ANO1: variants seen among roughly 807,000 people sequenced by gnomAD.
ANO1 encodes anoctamin-1.
In ANO1, 59 loss-of-function variants were observed where a neutral mutation model predicts 124.0. The ratio of observed to expected loss-of-function variants is 0.48; its 90% confidence interval spans 0.39 to 0.59. The LOEUF is 0.59. Among genes scored for constraint, ANO1 ranks in the 20% least tolerant of loss-of-function variants. The pLI is 0.00. For missense variants in ANO1, 1,059 were observed against 1,328.0 expected (o/e 0.80, Z 3.15); for synonymous variants, 529 against 532.0 (o/e 0.99, Z 0.08).
At chr11:70,160,167 C>T (rs2047987912) in intron 16 of ANO1, among the ~76,000 whole-genome samples, 1 of 152,134 alleles carries the variant, frequency 6.6e-6, no homozygotes, top group Non-Finnish European at 1.5e-5. Context: ...GCCCTCTGCA[C>T]CCTTGCATGG....
chr11:69,977,031 G>A, the ANO1 span, among the ~76,000 whole-genome samples: 4 of 152,208 alleles, frequency 2.6e-5, no homozygotes, highest in African/African-American at 9.7e-5. Context: ...AGCCCCAGGC[G>A]GTCTGATGCA....
At chr11:70,170,093 G>A (rs2048399216) in intron 21 of ANO1, 1 of 455,324 alleles carries the variant, frequency 2.2e-6, no homozygotes, top group Non-Finnish European at 4.4e-6. Flanking sequence ...ACTGTCCTGG[G>A]CAGTGGGTCC....
chr11:70,007,187 G>A (rs1211770414), intron 1 of ANO1, among the ~76,000 whole-genome samples: 2 of 151,542 alleles, frequency 1.3e-5, no homozygotes, highest in African/African-American at 4.8e-5. Flanking sequence ...AACAGTAACT[G>A]TCTTTCTGTA....
chr11:70,105,668 C>A (rs1007026614), intron 4 of ANO1, 66 bp from the exon 5 acceptor site: 3 of 1,506,664 alleles, frequency 2.0e-6, no homozygotes, highest in African/African-American at 2.7e-5. Context: ...TTCCCAGGGC[C>A]TTGAAACCCA....
chr11:70,179,644 A>G (rs529364955), intron 22 of ANO1, among the ~76,000 whole-genome samples: 4 of 152,352 alleles, frequency 2.6e-5, no homozygotes, highest in African/African-American at 7.2e-5. Flanking sequence ...CCAGAGCTTT[A>G]GGAGCTGCAC....
At chr11:70,172,930 G>A (rs997360449) in intron 22 of ANO1, among the ~76,000 whole-genome samples, 5 of 151,526 alleles carry the variant, frequency 3.3e-5, no homozygotes, top group African/African-American at 4.9e-5. Flanking sequence ...CTTGGTATTT[G>A]TGTCATTCTC....
chr11:70,105,742 T>G lies in ANO1; in HGVS notation c.701T>G (p.Leu234Trp). 1.2e-6 allele frequency: 2 copies of G among 1,613,684 alleles called. No individual in the cohort carries two copies. The highest frequency in any genetic ancestry group is 2.2e-5 in the South Asian group (2 of 91,070). The stretch of plus-strand genomic sequence containing the variant: ...TCCCGATATTTCCACAGATTTGACT[T>G]GTCTGATAAGGATTCCTTTTTCGAC... ...FSREKQHLFD[L>W]SDKDSFFDSK... Residue 234 changes from leucine (L) to tryptophan (W), a missense_variant, in exon 5 of 26, where the codon TTG becomes TGG. Physicochemically the swap from Leu to Trp is moderately conservative, Grantham distance 61. Around this residue, in one of 2 missense-constraint regions of ANO1, gnomAD observed 809 missense variants for 1,094.9 expected, o/e 0.74. Coordinates refer to ENST00000355303, the MANE Select transcript of ANO1 (RefSeq NM_018043.7).
intron 6 of ANO1, among the ~76,000 whole-genome samples, chr11:70,109,763 G>A (rs144651882): frequency 6.6e-6 from 1 of 152,284 alleles, no homozygotes; most frequent in African/African-American, 2.4e-5. Flanking sequence ...GAAGTCCAGC[G>A]TCTTCAGGCT....
chr11:70,179,894 G>A, intron 22 of ANO1, 110 bp from the exon 23 acceptor site: 4 of 1,003,348 alleles, frequency 4.0e-6, no homozygotes, highest in Non-Finnish European at 6.3e-6. Flanking sequence ...TCTGACTGCT[G>A]TGAGAAAGCC....
chr11:70,149,367 T>G (rs2047506720), intron 11 of ANO1, among the ~76,000 whole-genome samples: 1 of 152,178 alleles, frequency 6.6e-6, no homozygotes, highest in African/African-American at 2.4e-5. Flanking sequence ...AAAGAATGCC[T>G]TGGCTGGGCG....
At chr11:69,973,885 T>C in the ANO1 span, among the ~76,000 whole-genome samples, 2 of 149,846 alleles carry the variant, frequency 1.3e-5, no homozygotes, top group South Asian at 2.1e-4. Flanking sequence ...AAAAAAAAAA[T>C]TGGATTCCTT....
At chr11:70,102,943 C>T (rs1239255886) in intron 2 of ANO1, 123 bp from the exon 3 acceptor site, 5 of 658,586 alleles carry the variant, frequency 7.6e-6, no homozygotes, top group South Asian at 4.0e-5. Flanking sequence ...GGAATGAGGC[C>T]GCGGTAAAAG....
intron 8 of ANO1, among the ~76,000 whole-genome samples, chr11:70,121,489 A>C (rs1199256128): frequency 0.018 from 712 of 38,996 alleles, no homozygotes; most frequent in Admixed American, 0.025. Flanking sequence ...CATCTCCCCC[A>C]CCTCTCTGTC....
At chr11:70,026,014 T>C (rs1555003164) in intron 1 of ANO1, among the ~76,000 whole-genome samples, 77 of 147,370 alleles carry the variant, frequency 5.2e-4, no homozygotes, top group African/African-American at 1.9e-3. Context: ...ATGATGATGG[T>C]GGTGGTGATG....
chr11:70,030,489 T>C (rs1856981624), intron 1 of ANO1, among the ~76,000 whole-genome samples: 1 of 152,138 alleles, frequency 6.6e-6, no homozygotes, highest in Non-Finnish European at 1.5e-5. Flanking sequence ...ACAGTGAATC[T>C]TAGGGGGTAA....
chr11:70,085,019 C>T (rs1453254129), intron 1 of ANO1, among the ~76,000 whole-genome samples: 1 of 152,138 alleles, frequency 6.6e-6, no homozygotes, highest in Non-Finnish European at 1.5e-5. Flanking sequence ...CGAGAAACAG[C>T]GTCACCCTTA....
chr11:70,149,543 C>T (rs750126725), intron 11 of ANO1, 167 bp from the exon 12 acceptor site: 16 of 629,446 alleles, frequency 2.5e-5, no homozygotes, highest in Non-Finnish European at 4.1e-5. Flanking sequence ...CCCAGCTACT[C>T]GGGAGGCTGA....
chr11:69,987,474 C>G (rs72931779), intron 1 of ANO1, among the ~76,000 whole-genome samples: 11,853 of 152,174 alleles, frequency 0.078, 607 homozygotes, highest in South Asian at 0.11. Context: ...CTGATGGCAC[C>G]AAGATTAGAA....
intron 22 of ANO1, among the ~76,000 whole-genome samples, chr11:70,173,933 G>T (rs60705208): frequency 0.12 from 18,487 of 150,406 alleles, 1,206 homozygotes; most frequent in Middle Eastern, 0.16. Context: ...TGTTGTGGCA[G>T]TTTTAATTTT....
Sources: allele counts gnomAD v4.1 joint callset (sites outside exome capture counted in the v4.1 genomes callset), GRCh38; gene constraint gnomAD v4.1.1; regional missense constraint gnomAD v4.1.1; transcripts MANE v1.5; gene names NCBI Gene and HGNC (gene_info 2026-07-23, HGNC 2026-07-21).